The following PPP2R2C variants were observed in gnomAD, a reference collection of about 807,000 sequenced individuals.
PPP2R2C encodes protein phosphatase 2, regulatory subunit B, gamma.
Under a neutral mutation model 45.3 loss-of-function variants are expected in PPP2R2C, and 10 were observed. The observed-to-expected ratio is 0.22, with a 90% CI of 0.14 to 0.37. The LOEUF (loss-of-function observed/expected upper bound fraction) is 0.37, where lower values mean the gene tolerates loss of function less well. Among genes scored for constraint, PPP2R2C ranks in the 10% least tolerant of loss-of-function variants. The probability of loss-of-function intolerance (pLI) is 1.00; values close to 1 mark genes in which losing one functional copy is unlikely to be tolerated. For synonymous variants in PPP2R2C, 257 were observed against 245.4 expected, an observed-to-expected ratio of 1.05 and a Z score of -0.44; for missense variants, 308 against 619.7, an observed-to-expected ratio of 0.50 and a Z score of 5.34.
chr4:6,539,557 G>A (rs541692907), intron 1 of PPP2R2C, among the ~76,000 whole-genome samples: 22 of 152,188 alleles, frequency 1.4e-4, no homozygotes, highest in South Asian at 4.2e-4. Flanking sequence ...CACAGAGGAC[G>A]ATTCCTGCCA....
Position 6,378,190 on chromosome 4 carries a change from C to A in PPP2R2C, c.334+217G>T, listed in dbSNP as rs1447501678. 6.6e-6 allele frequency among the ~76,000 whole-genome samples: 1 copy of A among 151,830 alleles called. No individual in the cohort carries two copies. Among genetic ancestry groups the A allele is most frequent in the East Asian group, 1.9e-4 (1 of 5,164 alleles). On this transcript the variant is annotated intron_variant, in intron 3 of 8. Transcript: ENST00000382599. The surrounding 1 kb of genome is among the most constrained non-coding windows in gnomAD (Gnocchi z 5.2). ...TCACTCATGGGATTTACATGCTGCTCAAAAAGGGGGGCAGCCCTGTGTCCA... is the reference window on the plus strand; with the variant it reads ...TCACTCATGGGATTTACATGCTGCTAAAAAAGGGGGGCAGCCCTGTGTCCA...
At chr4:6,553,193 C>G (rs1003517289) in intron 1 of PPP2R2C, among the ~76,000 whole-genome samples, 1 of 152,186 alleles carries the variant, frequency 6.6e-6, no homozygotes, top group Admixed American at 6.5e-5. Context: ...GCAGCGCCAC[C>G]GCAGGGAGAA....
At chr4:6,383,553 C>T (rs56220760) in intron 1 of PPP2R2C, 55,709 of 708,896 alleles carry the variant, frequency 0.079, 2,610 homozygotes, top group Non-Finnish European at 0.094. Flanking sequence ...ACCAGCATGG[C>T]TCCTTCCTAT....
intron 2 of PPP2R2C, among the ~76,000 whole-genome samples, chr4:6,483,316 A>G (rs2108780157): frequency 6.6e-6 from 1 of 152,240 alleles, no homozygotes; most frequent in Admixed American, 6.5e-5. Flanking sequence ...TTATGTTTTT[A>G]TAGAATAGTT....
intron 1 of PPP2R2C, among the ~76,000 whole-genome samples, chr4:6,558,911 T>G (rs1725494124): frequency 6.6e-6 from 1 of 152,080 alleles, no homozygotes; most frequent in African/African-American, 2.4e-5. Flanking sequence ...TTTTCTGACC[T>G]TGCACCCTCA....
At chr4:6,535,889 A>G (rs1374379141) in intron 1 of PPP2R2C, among the ~76,000 whole-genome samples, 1 of 152,172 alleles carries the variant, frequency 6.6e-6, no homozygotes, top group Non-Finnish European at 1.5e-5. Context: ...GGCTCAGCTG[A>G]ACTGTCGCCA....
chr4:6,390,198 A>T (rs1344085198), intron 1 of PPP2R2C, among the ~76,000 whole-genome samples: 1 of 151,274 alleles, frequency 6.6e-6, no homozygotes, highest in African/African-American at 2.4e-5. Context: ...GGCTGCCCAG[A>T]GGGGCGTGGA....
intron 6 of PPP2R2C, among the ~76,000 whole-genome samples, chr4:6,335,109 T>C (rs566960279): frequency 7.0e-4 from 107 of 152,304 alleles, no homozygotes; most frequent in African/African-American, 2.5e-3. Flanking sequence ...AGTCAACCAA[T>C]GCAAACAGCA....
intron 2 of PPP2R2C, 42 bp downstream of exon 2, chr4:6,380,955 T>A: frequency 7.0e-7 from 1 of 1,433,514 alleles, no homozygotes; most frequent in African/African-American, 1.5e-5. Flanking sequence ...CTGACTCTGC[T>A]CCCCACCCCT....
chr4:6,544,122 G>A lies in PPP2R2C; in HGVS notation c.-58-8745C>T, dbSNP rs527788553. Among the ~76,000 whole-genome samples, 23 of 152,320 alleles carry A rather than the reference G, an allele frequency of 1.5e-4. No individual in the cohort carries two copies. In the South Asian group the frequency reaches 3.7e-3, roughly 25 times the overall value. On this transcript the variant is annotated intron_variant, in intron 1 of 9. Coordinates refer to the PPP2R2C transcript ENST00000506140. ...AGGACAAGAACCAGACTCAAAGAAA[G>A]AGGGTCTGGTCCAAGGCTGAGCTTG...
At chr4:6,439,478 G>A (rs766006756) in intron 1 of PPP2R2C, among the ~76,000 whole-genome samples, 1 of 152,152 alleles carries the variant, frequency 6.6e-6, no homozygotes, top group Non-Finnish European at 1.5e-5. Context: ...CCCAGAAGAG[G>A]CAGAGATGAA....
At chr4:6,385,634 A>G (rs1052337707) in intron 1 of PPP2R2C, among the ~76,000 whole-genome samples, 33 of 152,120 alleles carry the variant, frequency 2.2e-4, no homozygotes, top group African/African-American at 7.7e-4. Context: ...CAGCGGTGCA[A>G]TCTTGGCCCA....
chr4:6,381,884 A>ACACC, intron 1 of PPP2R2C: 1 of 1,607,132 alleles, frequency 6.2e-7, no homozygotes, highest in South Asian at 1.1e-5. Context: ...AACTAGGGGA[A>ACACC]CACCCCTTCC....
chr4:6,372,420 C>G lies in PPP2R2C; in HGVS notation c.625+103G>C, dbSNP rs2109296193. 3.9e-6 allele frequency: 5 copies of G among 1,275,216 alleles called. No homozygotes were observed. In the East Asian group the frequency reaches 1.2e-4, roughly 30 times the overall value. The allele number at this position is 1,275,216 out of a possible 1,614,324, so 79.0% of individuals were successfully genotyped here. A position where few individuals can be genotyped will look rare whatever the true frequency, so the allele number is the denominator to read the frequency against. ...GCCTCACTGAAGAAGTTAAACAATG[C>G]AGCCATCCCCAAACCAGCTGTCTGC... is the stretch of plus-strand genomic sequence containing the variant. On this transcript the variant is annotated intron_variant, in intron 5 of 8. Coordinates refer to ENST00000382599, the MANE Select transcript of PPP2R2C (RefSeq NM_020416.4).
chr4:6,464,865 T>G (rs1056808673), intron 1 of PPP2R2C, among the ~76,000 whole-genome samples: 1 of 112,944 alleles, frequency 8.9e-6, no homozygotes. Flanking sequence ...GTTATGAAAA[T>G]AAGAAAGTGT....
In PPP2R2C at chr4:6,329,456, A is replaced by G. The variant is rs1333630819; in HGVS notation, c.961-103T>C. On this transcript the variant is annotated intron_variant, in intron 7 of 8. Coordinates refer to ENST00000382599, the MANE Select transcript of PPP2R2C (RefSeq NM_020416.4). This position sits in a 1 kb window ranked among gnomAD's most constrained non-coding sequence, Gnocchi z 5.8. ...GCAGCGAGGGTCTGCATGCCCTGAC[A>G]TGGCCCAGCGCAGACCTGCTCATCT... is the stretch of plus-strand genomic sequence containing the variant. The G allele has an allele frequency of 1.0e-5, 10 of 975,062 alleles. No individual in the cohort carries two copies. Among genetic ancestry groups the G allele is most frequent in the Non-Finnish European group, 1.3e-5 (8 of 616,738 alleles). The allele number at this position is 975,062 out of a possible 1,614,324, so 60.4% of individuals were successfully genotyped here.
intron 1 of PPP2R2C, among the ~76,000 whole-genome samples, chr4:6,405,679 G>A (rs1456253922): frequency 6.6e-6 from 1 of 152,148 alleles, no homozygotes; most frequent in Non-Finnish European, 1.5e-5. Flanking sequence ...GAGGGTCAGG[G>A]TCTGGGAAGC....
chr4:6,437,808 A>T (rs1469535603), intron 1 of PPP2R2C, among the ~76,000 whole-genome samples: 1 of 152,210 alleles, frequency 6.6e-6, no homozygotes, highest in East Asian at 1.9e-4. Flanking sequence ...GTTCTTTCAG[A>T]CCTAATCTCA....
intron 2 of PPP2R2C, among the ~76,000 whole-genome samples, chr4:6,511,879 GTGGTGGTGGTGGTGA>G (rs1723571883): frequency 2.2e-5 from 1 of 46,144 alleles, no homozygotes; most frequent in Admixed American, 2.2e-4. Context: ...GGTGGTGGTG[GTGGTGGTGGTGGTGA>G]TGGTGGTGGT....
Sources: gnomAD v4.1 joint callset for allele counts (sites outside exome capture counted in the v4.1 genomes callset) on GRCh38, gnomAD v4.1.1 for gene constraint, Gnocchi (gnomAD v3.1) non-coding constraint, MANE v1.5 for transcripts, NCBI Gene and HGNC (gene_info 2026-07-23, HGNC 2026-07-21) for gene names.